The following NPAS3 variants were observed in gnomAD, a reference collection of about 807,000 sequenced individuals.
The protein encoded by NPAS3 is neuronal PAS domain-containing protein 3.
Under a neutral mutation model 73.1 loss-of-function variants are expected in NPAS3, and 14 were observed. That is an observed-to-expected ratio of 0.19 (90% CI 0.13 to 0.30). The LOEUF is 0.30. Among genes scored for constraint, NPAS3 ranks in the 10% least tolerant of loss-of-function variants. NPAS3 has a pLI of 1.00. For missense variants in NPAS3, 1,096 were observed against 1,250.0 expected (o/e 0.88, Z 1.86); for synonymous variants, 620 against 541.5 (o/e 1.14, Z -2.01).
intron 5 of NPAS3, among the ~76,000 whole-genome samples, chr14:33,637,541 A>C (rs1225024560): frequency 6.6e-6 from 1 of 152,204 alleles, no homozygotes; most frequent in Non-Finnish European, 1.5e-5. Flanking sequence ...AGGGGAAAAA[A>C]GTTATAAGGA....
Position 33,608,538 on chromosome 14 carries a change from T to TTA in NPAS3, c.558+48328_558+48329insTA, listed in dbSNP as rs1157988207. 2.0e-5 allele frequency: 3 copies of TTA among 152,192 alleles called. 1 individual carries two copies. Among genetic ancestry groups the TTA allele is most frequent in the Admixed American group, 2.0e-4 (3 of 15,276 alleles). 9.4% of individuals were successfully genotyped at this position (152,192 alleles called of 1,614,324 possible). A position where few individuals can be genotyped will look rare whatever the true frequency, so the allele number is the denominator to read the frequency against. On this transcript the variant is annotated intron_variant, in intron 5 of 11. Coordinates refer to ENST00000356141, the Ensembl canonical transcript of NPAS3. ...AACTCTAGAATGAAGAGTTCAGGCTTAAGAGTGAGAGCTATCACTGGAAAA... is the reference window on the plus strand; with the variant it reads ...AACTCTAGAATGAAGAGTTCAGGCTTTAAAGAGTGAGAGCTATCACTGGAAAA...
At chr14:33,538,019 G>A (rs1047804441) in intron 4 of NPAS3, among the ~76,000 whole-genome samples, 2 of 151,788 alleles carry the variant, frequency 1.3e-5, no homozygotes, top group African/African-American at 4.9e-5. Flanking sequence ...GCATCGGGTT[G>A]TGGTGGCATA....
At chr14:33,358,024 T>C (rs1351799293) in intron 3 of NPAS3, among the ~76,000 whole-genome samples, 4 of 152,104 alleles carry the variant, frequency 2.6e-5, no homozygotes, top group Non-Finnish European at 4.4e-5. Flanking sequence ...ATGTGACCCC[T>C]CCCATTGAGC....
At chr14:33,301,869 A>G (rs931479944) in intron 3 of NPAS3, among the ~76,000 whole-genome samples, 4 of 152,174 alleles carry the variant, frequency 2.6e-5, no homozygotes, top group African/African-American at 9.7e-5. Context: ...GTGTAATGAT[A>G]GGTACTAACT....
At chr14:33,169,149 C>T (rs2045288925) in intron 2 of NPAS3, among the ~76,000 whole-genome samples, 1 of 152,206 alleles carries the variant, frequency 6.6e-6, no homozygotes, top group Non-Finnish European at 1.5e-5. Context: ...GATAGCTTTT[C>T]CTTTTTTCTA....
intron 1 of NPAS3, among the ~76,000 whole-genome samples, chr14:33,012,243 C>G (rs1407801541): frequency 6.6e-6 from 1 of 152,132 alleles, no homozygotes; most frequent in Non-Finnish European, 1.5e-5. Context: ...CTTTTTTTCT[C>G]TTCTCAAGTG....
intron 5 of NPAS3, among the ~76,000 whole-genome samples, chr14:33,655,452 T>C (rs2059118849): frequency 6.6e-6 from 1 of 150,662 alleles, no homozygotes; most frequent in Admixed American, 6.6e-5. Flanking sequence ...TACATCCAGC[T>C]AACTGGCAGA....
At chr14:33,385,685 C>T (rs1177483362) in intron 4 of NPAS3, among the ~76,000 whole-genome samples, 3 of 152,138 alleles carry the variant, frequency 2.0e-5, no homozygotes, top group Non-Finnish European at 4.4e-5. Flanking sequence ...TCTAGCAGAA[C>T]ATTCAGCTGT....
downstream of NPAS3, chr14:33,802,147 T>C (rs2063728170): frequency 6.6e-6 from 1 of 152,102 alleles, no homozygotes; most frequent in African/African-American, 2.4e-5. Context: ...ATTTTGCAAC[T>C]TCAATAACAC....
chr14:33,280,544 A>G (rs2041554626), intron 3 of NPAS3, among the ~76,000 whole-genome samples: 1 of 152,136 alleles, frequency 6.6e-6, no homozygotes, highest in South Asian at 2.1e-4. Context: ...CTGTTTCTTT[A>G]TCTATGAAAT....
At chr14:33,612,191 A>G (rs2057770721) in intron 5 of NPAS3, among the ~76,000 whole-genome samples, 1 of 152,210 alleles carries the variant, frequency 6.6e-6, no homozygotes. Flanking sequence ...GAAATTGGTC[A>G]GAAGGCCCCT....
chr14:33,733,471 C>T (rs1021167672), intron 6 of NPAS3, among the ~76,000 whole-genome samples: 1 of 152,124 alleles, frequency 6.6e-6, no homozygotes, highest in Admixed American at 6.6e-5. Flanking sequence ...TTTGATCTCT[C>T]TGCTTTTGAT....
At chr14:33,486,003 G>T (rs915980384) in intron 4 of NPAS3, among the ~76,000 whole-genome samples, 1 of 152,056 alleles carries the variant, frequency 6.6e-6, no homozygotes, top group Non-Finnish European at 1.5e-5. Flanking sequence ...CAGGGGGAGT[G>T]GGGGCAGGTT....
At chr14:33,363,934 GTGTGTGTGTGTGTGT>G (rs1314525842) in intron 3 of NPAS3, among the ~76,000 whole-genome samples, 1 of 151,668 alleles carries the variant, frequency 6.6e-6, no homozygotes, top group Non-Finnish European at 1.5e-5. Context: ...GTGTGTGTGT[GTGTGTGTGTGTGTGT>G]TGTGTGTGTG....
intron 7 of NPAS3, among the ~76,000 whole-genome samples, chr14:33,744,773 G>A (rs1354698100): frequency 6.6e-6 from 1 of 151,834 alleles, no homozygotes; most frequent in East Asian, 1.9e-4. Context: ...CTGGACAACA[G>A]AGTGAGACCC....
chr14:33,056,053 C>T (rs966034035), intron 2 of NPAS3, 59 bp downstream of exon 2: 9 of 723,942 alleles, frequency 1.2e-5, no homozygotes, highest in Admixed American at 4.5e-5. Context: ...TTGTGGTTGC[C>T]AGCTATTCAA....
At chr14:33,696,608 A>G (rs539183171) in intron 6 of NPAS3, among the ~76,000 whole-genome samples, 1 of 152,280 alleles carries the variant, frequency 6.6e-6, no homozygotes, top group Admixed American at 6.5e-5. Context: ...CTAATACCAT[A>G]TCCATAGCAG....
intron 3 of NPAS3, among the ~76,000 whole-genome samples, chr14:33,238,855 G>A (rs571561926): frequency 3.9e-5 from 6 of 152,026 alleles, no homozygotes; most frequent in South Asian, 2.1e-4. Context: ...GTCTTGCGCC[G>A]TGTGGAATGT....
At chr14:33,659,533 A>C (rs1210472185) in intron 5 of NPAS3, among the ~76,000 whole-genome samples, 2 of 152,182 alleles carry the variant, frequency 1.3e-5, no homozygotes, top group African/African-American at 4.8e-5. Context: ...AGTCCCTTTT[A>C]GCAAACAGAG....
Sources: gnomAD v4.1 joint callset for allele counts (sites outside exome capture counted in the v4.1 genomes callset) on GRCh38, gnomAD v4.1.1 for gene constraint, MANE v1.5 for transcripts, NCBI Gene and HGNC (gene_info 2026-07-23, HGNC 2026-07-21) for gene names.